The following SEMA6C variants were observed in gnomAD, a reference collection of about 807,000 sequenced individuals.
SEMA6C encodes the protein semaphorin-6C.
Under a neutral mutation model 72.9 loss-of-function variants are expected in SEMA6C, and 37 were observed. That is an observed-to-expected ratio of 0.51 (90% CI 0.39 to 0.67). The LOEUF is 0.67. Among genes scored for constraint, SEMA6C ranks in the 30% least tolerant of loss-of-function variants. The probability of loss-of-function intolerance (pLI) is 0.00; values close to 1 mark genes in which losing one functional copy is unlikely to be tolerated. For synonymous variants in SEMA6C, 578 were observed against 554.1 expected, an observed-to-expected ratio of 1.04 and a Z score of -0.61; for missense variants, 1,189 against 1,263.6, an observed-to-expected ratio of 0.94 and a Z score of 0.89.
At chr1:151,141,122 T>G (rs906965981) in intron 3 of SEMA6C, among the ~76,000 whole-genome samples, 3 of 152,172 alleles carry the variant, frequency 2.0e-5, no homozygotes, top group Non-Finnish European at 1.5e-5. Flanking sequence ...TCCTTAAAAT[T>G]ACTCTAAATC....
chr1:151,133,434 C>A lies in SEMA6C; in HGVS notation c.1843G>T (p.Ala615Ser), dbSNP rs763417435. Reference protein sequence around the residue: ...LLLASVAAAFALGASVSGLLV... With the variant: ...LLLASVAAAFSLGASVSGLLV... ...AGGCCAGAGACTGAGGCGCCCAGGG[C>A]AAAAGCTGCGGCCACACTGGCCAGG... The change falls in exon 19 of 19, where the codon GCC (alanine) becomes TCC (serine). Residue 615 changes from alanine (A) to serine (S), a missense_variant. Transcript: ENST00000368914. The surrounding 1 kb of genome is among the most constrained non-coding windows in gnomAD (Gnocchi z 5.9). 5.0e-5 allele frequency: 79 copies of A among 1,582,766 alleles called. No individual in the cohort carries two copies. Among genetic ancestry groups the A allele is most frequent in the Non-Finnish European group, 6.4e-5 (75 of 1,168,758 alleles).
chr1:151,140,548 C>T (rs1682442066), intron 3 of SEMA6C, among the ~76,000 whole-genome samples: 1 of 152,214 alleles, frequency 6.6e-6, no homozygotes, highest in Admixed American at 6.5e-5. Context: ...GCACCCTCCC[C>T]TCAAGGCTCT....
rs769652859 is a variant in SEMA6C, at chr1:151,133,223, G to T, written c.2054C>A (p.Pro685Gln). The T allele has an allele frequency of 6.3e-7, 1 of 1,578,812 alleles. No individual in the cohort carries two copies. The highest frequency in any genetic ancestry group is 8.6e-7 in the Non-Finnish European group (1 of 1,168,880). ...QTPQLYTTFL[P>Q]PPEGVPPPEL... Reference sequence around the variant, plus strand: ...CGGCGGGGGCACGCCCTCCGGAGGCGGCAGGAAGGTGGTGTAGAGCTGCGG... The same window carrying T: ...CGGCGGGGGCACGCCCTCCGGAGGCTGCAGGAAGGTGGTGTAGAGCTGCGG... Residue 685 changes from proline (P) to glutamine (Q), a missense_variant, in exon 19 of 19, where the codon CCG becomes CAG. Pro to Gln is a moderately conservative substitution (Grantham distance 76). Coordinates refer to ENST00000368914, the MANE Select transcript of SEMA6C (RefSeq NM_030913.6). This position sits in a 1 kb window ranked among gnomAD's most constrained non-coding sequence, Gnocchi z 5.9.
chr1:151,133,156 C>A lies in SEMA6C; in HGVS notation c.2121G>T (p.Leu707=). 1 of 1,550,710 alleles carries A rather than the reference C, an allele frequency of 6.4e-7. No homozygotes were observed. The highest frequency in any genetic ancestry group is 1.2e-5 in the South Asian group (1 of 83,190). ...CGGCGGCGCGGAGGTGCTTGACCGG[C>A]AGCTCCGGCGTGGACTCGGGGGTGG... The part of the protein sequence containing the change: ...CLPTPESTPE[L]PVKHLRAAGD... Residue 707 remains leucine, a synonymous_variant, in exon 19 of 19, where the codon CTG becomes CTT. Transcript: ENST00000368914. This position sits in a 1 kb window ranked among gnomAD's most constrained non-coding sequence, Gnocchi z 5.9.
Position 151,136,903 on chromosome 1 carries a change from G to T in SEMA6C, c.928C>A (p.His310Asn). The T allele has an allele frequency of 2.5e-6, 4 of 1,614,088 alleles. No individual in the cohort carries two copies. Among genetic ancestry groups the T allele is most frequent in the Non-Finnish European group, 3.4e-6 (4 of 1,180,028 alleles). The change falls in exon 11 of 19, where the codon CAT becomes AAT. Residue 310 changes from histidine to asparagine, a missense_variant. His to Asn is a moderately conservative substitution (Grantham distance 68). Transcript: ENST00000368914. ...LQALTGPVNL[H>N]GRSALFGVFT... ...ACCCCAAAGAGAGCAGAGCGGCCAT[G>T]CAGGTTCACAGGCCCAGTCAAGGCC...
rs1192334383 is a variant in SEMA6C, at chr1:151,139,627, C to A, written c.297+11G>T. ...CTCCACGTCTGCACCTCTTCCCACA[C>A]AGCCCCTCACCTTGTTGGGCACCAG... On this transcript the variant is annotated intron_variant, in intron 5 of 18. Transcript: ENST00000368914. 5.6e-6 allele frequency: 9 copies of A among 1,605,764 alleles called. No homozygotes were observed. The highest frequency in any genetic ancestry group is 7.7e-6 in the Non-Finnish European group (9 of 1,173,830).
intron 12 of SEMA6C, 37 bp from the exon 13 acceptor site, chr1:151,136,200 G>A (rs1682008490): frequency 6.2e-7 from 1 of 1,610,738 alleles, no homozygotes; most frequent in East Asian, 2.2e-5. Flanking sequence ...CTTTGGACTG[G>A]GAGCTGGAGC....
chr1:151,136,693 G>A (rs983680588), intron 11 of SEMA6C, 114 bp from the exon 12 acceptor site: 4 of 1,438,148 alleles, frequency 2.8e-6, no homozygotes, highest in Non-Finnish European at 3.8e-6. Context: ...CTGAGGAGGT[G>A]GGGCAGCCAC....
At position 151,132,811 on chromosome 1, in the gene SEMA6C, C is replaced by T. The variant is rs904145218; in HGVS notation, c.2466G>A (p.Val822=). The stretch of plus-strand genomic sequence containing the variant: ...CAGAGGCGCACCTGCCCTCGGGGGG[C>T]ACGTCCAGCCTCAGCGGCGAGGCGC... ...HECASPLRLD[V]PPEGRCASAP... is the part of the protein sequence containing the mutation. The change falls in exon 19 of 19, where the codon GTG becomes GTA. Residue 822 remains valine (V), a synonymous_variant. Transcript: ENST00000368914. 2.3e-6 allele frequency: 3 copies of T among 1,310,182 alleles called. No homozygotes were observed. Among genetic ancestry groups the T allele is most frequent in the South Asian group, 4.1e-5 (2 of 48,864 alleles). 81.2% of individuals were successfully genotyped at this position (1,310,182 alleles called of 1,614,324 possible).
At chr1:151,139,922 A>G in intron 4 of SEMA6C, 54 bp downstream of exon 4, 1 of 1,539,434 alleles carries the variant, frequency 6.5e-7, no homozygotes, top group Non-Finnish European at 8.9e-7. Context: ...ACAGGTCCCA[A>G]GTCTGCCCAG....
At position 151,132,166 on chromosome 1, in the gene SEMA6C, C is replaced by T. The variant is rs888686387; in HGVS notation, c.*318G>A. 2.8e-6 allele frequency: 4 copies of T among 1,403,604 alleles called. No homozygotes were observed. The East Asian group carries it at 1.3e-4, about 46-fold the overall frequency. The allele number at this position is 1,403,604 out of a possible 1,614,324, so 86.9% of individuals were successfully genotyped here. On this transcript the variant is annotated 3_prime_UTR_variant, in exon 19 of 19. Transcript: ENST00000368914. The stretch of plus-strand genomic sequence containing the variant: ...CACAGCGCGCGCGGCCCGCCCGGGG[C>T]ACAGTCTCTGGGGGAGCCCCGAGGG...
chr1:151,133,352 G>A lies in SEMA6C; in HGVS notation c.1925C>T (p.Thr642Ile). 1 of 1,599,186 alleles carries A rather than the reference G, an allele frequency of 6.3e-7. No homozygotes were observed. Among genetic ancestry groups the A allele is most frequent in the Non-Finnish European group, 8.5e-7 (1 of 1,175,242 alleles). Residue 642 changes from threonine (T) to isoleucine (I), a missense_variant, in exon 19 of 19, where the codon ACT becomes ATT. This residue lies in a region of SEMA6C where 721 missense variants were observed against 686.2 expected (regional missense o/e 1.05). Coordinates refer to ENST00000368914, the MANE Select transcript of SEMA6C (RefSeq NM_030913.6). This position sits in a 1 kb window ranked among gnomAD's most constrained non-coding sequence, Gnocchi z 5.9. ...GGAGAGAGGGCGCGGGAGCCCCGGA[G>A]TCTCGATGTCCTTGCCCCGACGTCG... ...AHRRRGKDIETPGLPRPLSLR... is the reference protein window; with the variant it reads ...AHRRRGKDIEIPGLPRPLSLR...
At position 151,145,724 on chromosome 1, in the gene SEMA6C, C is replaced by G; in HGVS notation, c.-105+709G>C. 1 of 153,142 alleles carries G rather than the reference C, an allele frequency of 6.5e-6. No homozygotes were observed. Among genetic ancestry groups the G allele is most frequent in the Non-Finnish European group, 1.5e-5 (1 of 68,630 alleles). 9.5% of individuals were successfully genotyped at this position (153,142 alleles called of 1,614,324 possible). A position where few individuals can be genotyped will look rare whatever the true frequency, so the allele number is the denominator to read the frequency against. On this transcript the variant is annotated intron_variant, in intron 1 of 18. Coordinates refer to ENST00000368914, the MANE Select transcript of SEMA6C (RefSeq NM_030913.6). The surrounding 1 kb of genome is among the most constrained non-coding windows in gnomAD (Gnocchi z 4.4). Reference sequence around the variant, plus strand: ...GGGTTGGGGAGCGGAGGCGGGTCTCCCAGGCCAGGGAAACAGGGCCAGAGG... The same window carrying G: ...GGGTTGGGGAGCGGAGGCGGGTCTCGCAGGCCAGGGAAACAGGGCCAGAGG...
rs1558181461 is a variant in SEMA6C at position 151,135,678 on chromosome 1, G to GT, written c.1345dup (p.Thr449AsnfsTer16). On this transcript the variant is annotated frameshift_variant, in exon 14 of 19. Transcript: ENST00000368914. LOFTEE classifies it high-confidence loss of function. ...ACCTGGGGTCAGCACCTTCAGCACT[G>GT]TCCCATCATTGGAGCCAAGGAACAT... 6.2e-7 allele frequency: 1 copy of GT among 1,614,204 alleles called. No homozygotes were observed. The highest frequency in any genetic ancestry group is 1.3e-5 in the African/African-American group (1 of 75,056).
Position 151,138,026 on chromosome 1 carries a change from G to A in SEMA6C, c.627C>T (p.Pro209=), listed in dbSNP as rs1258504444. ...AGTCATACTTGGCGGAGCGGAGTGGGGGCTGGGGCCCAAGGCTTCTGTAAA... is the reference window on the plus strand; with the variant it reads ...AGTCATACTTGGCGGAGCGGAGTGGAGGCTGGGGCCCAAGGCTTCTGTAAA... ...AVVYRSLGPQ[P]PLRSAKYDSK... Residue 209 remains proline, a synonymous_variant, in exon 9 of 19, where the codon CCC becomes CCT. Coordinates refer to ENST00000368914, the MANE Select transcript of SEMA6C (RefSeq NM_030913.6). 6.2e-7 allele frequency: 1 copy of A among 1,614,194 alleles called. No individual in the cohort carries two copies. The highest frequency in any genetic ancestry group is 2.2e-5 in the East Asian group (1 of 44,872).
At position 151,136,429 on chromosome 1, in the gene SEMA6C, ACAACTC is replaced by A. The variant is rs1238596950; in HGVS notation, c.1106+13_1106+18del. 1 of 1,609,018 alleles carries A rather than the reference ACAACTC, an allele frequency of 6.2e-7. No individual in the cohort carries two copies. Among genetic ancestry groups the A allele is most frequent in the Admixed American group, 1.7e-5 (1 of 58,476 alleles). On this transcript the variant is annotated intron_variant, in intron 12 of 18. Coordinates refer to ENST00000368914, the MANE Select transcript of SEMA6C (RefSeq NM_030913.6). Reference sequence around the variant, plus strand: ...GCTGCTTGCTTCTGCCCCCACAAAAACAACTCCATCCTGGGTACCTGGGTGAGGGAA... The same window carrying A: ...GCTGCTTGCTTCTGCCCCCACAAAAACATCCTGGGTACCTGGGTGAGGGAA...
Position 151,133,266 on chromosome 1 carries a change from C to G in SEMA6C, c.2011G>C (p.Gly671Arg), listed in dbSNP as rs759068777. 46 of 1,580,040 alleles carry G rather than the reference C, an allele frequency of 2.9e-5. No individual in the cohort carries two copies. In the Admixed American group the frequency reaches 5.4e-4, roughly 19 times the overall value. Residue 671 changes from glycine to arginine, a missense_variant, in exon 19 of 19, where the codon GGG (glycine) becomes CGG (arginine). Gly to Arg is a moderately radical substitution (Grantham distance 125). Transcript: ENST00000368914. This position sits in a 1 kb window ranked among gnomAD's most constrained non-coding sequence, Gnocchi z 5.9. Reference sequence around the variant, plus strand: ...AGCTGCGGCGTCTGCACCGCGTCCCCGTCCTTGGAGGGCGGCGGGGGCTCT... The same window carrying G: ...AGCTGCGGCGTCTGCACCGCGTCCCGGTCCTTGGAGGGCGGCGGGGGCTCT... ...GPEPPPPSKD[G>R]DAVQTPQLYT...
chr1:151,132,888 G>A lies in SEMA6C; in HGVS notation c.2389C>T (p.Pro797Ser), dbSNP rs1208841812. Residue 797 changes from proline to serine, a missense_variant, in exon 19 of 19, where the codon CCG (proline) becomes TCG (serine). Coordinates refer to ENST00000368914, the MANE Select transcript of SEMA6C (RefSeq NM_030913.6). The part of the protein sequence containing the change: ...PAPLTSRALP[P>S]EPAPALLGGP... ...CCCAAGAGGGCGGGGGCGGGCTCCG[G>A]CGGGAGCGCCCGCGAGGTTAAAGGG... 7 of 1,314,234 alleles carry A rather than the reference G, an allele frequency of 5.3e-6. No homozygotes were observed. The highest frequency in any genetic ancestry group is 6.8e-6 in the Non-Finnish European group (7 of 1,032,446). The allele number at this position is 1,314,234 out of a possible 1,614,324, so 81.4% of individuals were successfully genotyped here. A position where few individuals can be genotyped will look rare whatever the true frequency, so the allele number is the denominator to read the frequency against.
Position 151,137,462 on chromosome 1 carries a change from A to AAAAG in SEMA6C, c.756+248_756+249insCTTT, listed in dbSNP as rs1207189960. ...CTCCGTCTCAAAAAAAAAAAAAAAA[A>AAAAG]GAGCACCAAGGGAGCAATGTGAGGG... On this transcript the variant is annotated intron_variant, in intron 10 of 18. Transcript: ENST00000368914. Among the ~76,000 whole-genome samples, 3 of 150,818 alleles carry AAAAG rather than the reference A, an allele frequency of 2.0e-5. No homozygotes were observed. The South Asian group carries it at 6.3e-4, about 32-fold the overall frequency.
Sources: gnomAD v4.1 joint callset for allele counts (sites outside exome capture counted in the v4.1 genomes callset) on GRCh38, gnomAD v4.1.1 for gene constraint, gnomAD v4.1.1 regional missense constraint, Gnocchi (gnomAD v3.1) non-coding constraint, MANE v1.5 for transcripts, NCBI Gene and HGNC (gene_info 2026-07-23, HGNC 2026-07-21) for gene names.